Variants in RGS19 observed in about 807,000 individuals in gnomAD.
RGS19 encodes G alpha interacting protein.
In RGS19, 9 loss-of-function variants were observed where a neutral mutation model predicts 22.0. That is an observed-to-expected ratio of 0.41 (90% CI 0.25 to 0.71). The LOEUF (loss-of-function observed/expected upper bound fraction) is 0.71, where lower values mean the gene tolerates loss of function less well. RGS19 is among the 30% of genes least tolerant of loss of function. The pLI, the probability that RGS19 is intolerant of heterozygous loss-of-function variation, is 0.32. For synonymous variants in RGS19, 130 were observed against 127.3 expected (o/e 1.02, Z -0.14); for missense variants, 256 against 307.1 (o/e 0.83, Z 1.24).
At chr20:64,077,528 C>T (rs761480651) in intron 1 of RGS19, among the ~76,000 whole-genome samples, 2 of 152,182 alleles carry the variant, frequency 1.3e-5, no homozygotes, top group African/African-American at 2.4e-5. Flanking sequence ...GGCAGGGCCC[C>T]GGTGAGGAGG....
chr20:64,079,759 C>T (rs1276871640), upstream of RGS19: 1 of 151,556 alleles, frequency 6.6e-6, no homozygotes, highest in Non-Finnish European at 1.5e-5. The surrounding 1 kb of genome is among the most constrained non-coding windows in gnomAD (Gnocchi z 5.1). Context: ...CGGCGGGAGC[C>T]CTTGGGGTTC....
rs576321770 is a variant in RGS19 at position 64,075,117 on chromosome 20, C to G, written c.153-576G>C. Among the ~76,000 whole-genome samples, 18 of 151,610 alleles carry G rather than the reference C, an allele frequency of 1.2e-4. No homozygotes were observed. The highest frequency in any genetic ancestry group is 4.4e-4 in the African/African-American group (18 of 41,146). ...CCACCCATGGGAATGTGCCTGGGAA[C>G]AGGGCCACCCATGGGAATGTGCCTG... On this transcript the variant is annotated intron_variant, in intron 3 of 5. Coordinates refer to ENST00000395042, the MANE Select transcript of RGS19 (RefSeq NM_005873.3). This position sits in a 1 kb window ranked among gnomAD's most constrained non-coding sequence, Gnocchi z 4.6.
chr20:64,076,948 TG>T lies in RGS19; in HGVS notation c.-63del. 7.1e-7 allele frequency: 1 copy of T among 1,411,456 alleles called. No homozygotes were observed. Among genetic ancestry groups the T allele is most frequent in the Non-Finnish European group, 9.4e-7 (1 of 1,068,970 alleles). The allele number at this position is 1,411,456 out of a possible 1,614,324, so 87.4% of individuals were successfully genotyped here. A position where few individuals can be genotyped will look rare whatever the true frequency, so the allele number is the denominator to read the frequency against. ...CAGCTCTCAGACCCTCACCACAGCC[TG>T]GGGGTCTGGGGAGAGGGGCCAAGGT... On this transcript the variant is annotated 5_prime_UTR_variant, in exon 2 of 6. Transcript: ENST00000395042.
At chr20:64,078,835 C>T (rs1293955743) in intron 1 of RGS19, among the ~76,000 whole-genome samples, 1 of 152,110 alleles carries the variant, frequency 6.6e-6, no homozygotes, top group Non-Finnish European at 1.5e-5. Context: ...CAGGCTTTGG[C>T]CCCCAAGTCT....
intron 2 of RGS19, 67 bp from the exon 3 acceptor site, chr20:64,076,713 C>T (rs1480043627): frequency 4.6e-6 from 7 of 1,526,678 alleles, no homozygotes; most frequent in Non-Finnish European, 6.3e-6. Context: ...CTCTCCCCCA[C>T]CTTCCCATGG....
intron 5 of RGS19, 24 bp downstream of exon 5, chr20:64,074,120 G>A (rs755677680): frequency 2.5e-4 from 395 of 1,607,300 alleles, no homozygotes; most frequent in African/African-American, 1.1e-4. Flanking sequence ...GGCGGCCCCC[G>A]GCCTGTTCTG....
rs529223539 is a variant in RGS19, at chr20:64,074,189, C to T, written c.417G>A (p.Ala139=). Residue 139 remains alanine (A), a synonymous_variant, in exon 5 of 6, where the codon GCG becomes GCA. Coordinates refer to ENST00000395042, the MANE Select transcript of RGS19 (RefSeq NM_005873.3). ...EANQHVVDEK[A]RLIYEDYVSI... is the part of the protein sequence containing the mutation. Reference sequence around the variant, plus strand: ...ATACGTAGTCCTCGTAGATGAGCCTCGCCTTCTCGTCTACCACATGCTGGT... The same window carrying T: ...ATACGTAGTCCTCGTAGATGAGCCTTGCCTTCTCGTCTACCACATGCTGGT... 50 of 1,614,088 alleles carry T rather than the reference C, an allele frequency of 3.1e-5. No homozygotes were observed. The highest frequency in any genetic ancestry group is 8.0e-5 in the African/African-American group (6 of 75,056).
chr20:64,077,920 C>T (rs921348313), intron 1 of RGS19, among the ~76,000 whole-genome samples: 2 of 152,172 alleles, frequency 1.3e-5, no homozygotes, highest in African/African-American at 2.4e-5. Context: ...TGAACACCTG[C>T]GCCCACTTCT....
In RGS19 at chr20:64,074,388, CG is replaced by C; in HGVS notation, c.228-11del. 6.3e-7 allele frequency: 1 copy of C among 1,599,958 alleles called. No homozygotes were observed. Among genetic ancestry groups the C allele is most frequent in the South Asian group, 1.1e-5 (1 of 89,742 alleles). On this transcript the variant is annotated splice_polypyrimidine_tract_variant and intron_variant, in intron 4 of 5. Transcript: ENST00000395042. Reference sequence around the variant, plus strand: ...AGGACTTGGCGTGGCACTGTGGGCACGGGGGCCAGGCTATGTCAGGCCCGAG... The same window carrying C: ...AGGACTTGGCGTGGCACTGTGGGCACGGGGCCAGGCTATGTCAGGCCCGAG...
At position 64,074,161 on chromosome 20, in the gene RGS19, T is replaced by A. The variant is rs1391934267; in HGVS notation, c.445A>T (p.Ile149Phe). 1 of 1,613,672 alleles carries A rather than the reference T, an allele frequency of 6.2e-7. No homozygotes were observed. The highest frequency in any genetic ancestry group is 8.5e-7 in the Non-Finnish European group (1 of 1,179,828). ...TGGCGCACCTCCTTGGGGGACAGGA[T>A]GGATACGTAGTCCTCGTAGATGAGC... Reference protein sequence around the residue: ...ARLIYEDYVSILSPKEVSLDS... With the variant: ...ARLIYEDYVSFLSPKEVSLDS... Residue 149 changes from isoleucine to phenylalanine, a missense_variant, in exon 5 of 6, where the codon ATC becomes TTC. By Grantham distance (21) the Ile-to-Phe change is conservative. Transcript: ENST00000395042.
rs558052992 is a variant in RGS19, at chr20:64,073,950, G to T, written c.557C>A (p.Thr186Lys). Residue 186 changes from threonine to lysine, a missense_variant, in exon 6 of 6, where the codon ACG becomes AAG. Physicochemically the swap from Thr to Lys is moderately conservative, Grantham distance 78. Transcript: ENST00000395042. ...TFDDAQLQIYTLMHRDSYPRF... is the reference protein window; with the variant it reads ...TFDDAQLQIYKLMHRDSYPRF... ...GGGGTAGGAGTCCCGGTGCATGAGC[G>T]TGTAGATCTGCAGCTGCGCGTCGTC... is the stretch of plus-strand genomic sequence containing the variant. 1 of 1,613,856 alleles carries T rather than the reference G, an allele frequency of 6.2e-7. No homozygotes were observed. The highest frequency in any genetic ancestry group is 1.1e-5 in the South Asian group (1 of 91,088).
In RGS19 at chr20:64,073,637, G is replaced by T. The variant is rs952726862; in HGVS notation, c.*216C>A. ...GATGAGGGGGCTTCTGGCCCGCCCT[G>T]CACCTGGAGGCCCGCCCTGCACCTG... On this transcript the variant is annotated 3_prime_UTR_variant, in exon 6 of 6. Coordinates refer to ENST00000395042, the MANE Select transcript of RGS19 (RefSeq NM_005873.3). 8.4e-5 allele frequency: 43 copies of T among 510,358 alleles called. No homozygotes were observed. The highest frequency in any genetic ancestry group is 6.7e-4 in the African/African-American group (35 of 51,924). 31.6% of individuals were successfully genotyped at this position (510,358 alleles called of 1,614,324 possible).
chr20:64,073,915 T>C lies in RGS19; in HGVS notation c.592A>G (p.Ser198Gly). 1 of 1,613,596 alleles carries C rather than the reference T, an allele frequency of 6.2e-7. No individual in the cohort carries two copies. The highest frequency in any genetic ancestry group is 8.5e-7 in the Non-Finnish European group (1 of 1,179,802). The change falls in exon 6 of 6, where the codon AGC (serine) becomes GGC (glycine). Residue 198 changes from serine (S) to glycine (G), a missense_variant. Coordinates refer to ENST00000395042, the MANE Select transcript of RGS19 (RefSeq NM_005873.3). ...AGCAGGGCACGGTAGGTGGGAGAGC[T>C]GAGGAAGCGGGGGTAGGAGTCCCGG... ...MHRDSYPRFL[S>G]SPTYRALLLQ...
In RGS19 at chr20:64,075,069, G is replaced by A. The variant is rs1044442491; in HGVS notation, c.153-528C>T. Among the ~76,000 whole-genome samples the A allele has an allele frequency of 6.6e-6, 1 of 152,140 alleles. No homozygotes were observed. Among genetic ancestry groups the A allele is most frequent in the Non-Finnish European group, 1.5e-5 (1 of 68,010 alleles). ...TCCCTGAACACCTGGGAGGCCAGAA[G>A]GGTCATGTGCCTGGGAACAGGGCCA... On this transcript the variant is annotated intron_variant, in intron 3 of 5. Coordinates refer to ENST00000395042, the MANE Select transcript of RGS19 (RefSeq NM_005873.3). The surrounding 1 kb of genome is among the most constrained non-coding windows in gnomAD (Gnocchi z 4.6).
chr20:64,073,678 C>A lies in RGS19; in HGVS notation c.*175G>T. ...CCTGCACCTGGAGTTCCTGCTTGGC[C>A]ACGGGTGGGCAGACCCAGGAGACAC... is the stretch of plus-strand genomic sequence containing the variant. On this transcript the variant is annotated 3_prime_UTR_variant, in exon 6 of 6. Transcript: ENST00000395042. 1.7e-6 allele frequency: 1 copy of A among 592,422 alleles called. No individual in the cohort carries two copies. Among genetic ancestry groups the A allele is most frequent in the South Asian group, 2.3e-5 (1 of 42,666 alleles). The allele number at this position is 592,422 out of a possible 1,614,324, so 36.7% of individuals were successfully genotyped here.
chr20:64,078,542 C>T (rs186614277), intron 1 of RGS19, among the ~76,000 whole-genome samples: 1 of 152,328 alleles, frequency 6.6e-6, no homozygotes, highest in Non-Finnish European at 1.5e-5. Context: ...CCATCTCCAC[C>T]CCAGCTCTGA....
chr20:64,076,743 C>T, intron 2 of RGS19, 97 bp from the exon 3 acceptor site: 2 of 1,522,384 alleles, frequency 1.3e-6, no homozygotes, highest in Non-Finnish European at 1.8e-6. Flanking sequence ...TTCCCAGGCA[C>T]ATGACCCTTC....
chr20:64,074,431 C>T lies in RGS19; in HGVS notation c.227+36G>A, dbSNP rs111664249. 6.9e-4 allele frequency: 1,083 copies of T among 1,573,314 alleles called. 7 individuals are homozygous for T. The highest frequency in any genetic ancestry group is 1.9e-3 in the African/African-American group (139 of 74,124). On this transcript the variant is annotated intron_variant, in intron 4 of 5. Coordinates refer to ENST00000395042, the MANE Select transcript of RGS19 (RefSeq NM_005873.3). ...AGGCCCGAGTCTCCCGGTCTGGGGC[C>T]CCCCCAGCACGCACACACCAGCCGG... is the stretch of plus-strand genomic sequence containing the variant.
In RGS19 at chr20:64,073,703, C is replaced by T. The variant is rs1419750530; in HGVS notation, c.*150G>A. On this transcript the variant is annotated 3_prime_UTR_variant, in exon 6 of 6. Transcript: ENST00000395042. ...CACGGGTGGGCAGACCCAGGAGACA[C>T]AGCACTCCCCACTGGGTCTAGGACC... 5.9e-6 allele frequency: 4 copies of T among 673,036 alleles called. No individual in the cohort carries two copies. The highest frequency in any genetic ancestry group is 1.8e-5 in the African/African-American group (1 of 55,044). The allele number at this position is 673,036 out of a possible 1,614,324, so 41.7% of individuals were successfully genotyped here.
Sources: gnomAD v4.1 joint callset for allele counts (sites outside exome capture counted in the v4.1 genomes callset) on GRCh38, gnomAD v4.1.1 for gene constraint, Gnocchi (gnomAD v3.1) non-coding constraint, MANE v1.5 for transcripts, NCBI Gene and HGNC (gene_info 2026-07-23, HGNC 2026-07-21) for gene names.